Variants in HIRA observed in about 807,000 individuals in gnomAD.
HIRA encodes the protein histone cell cycle regulator, also known as protein HIRA.
Under a neutral mutation model 126.6 loss-of-function variants are expected in HIRA, and 13 were observed. That is an observed-to-expected ratio of 0.10 (90% CI 0.07 to 0.16). The LOEUF (loss-of-function observed/expected upper bound fraction) is 0.16. Ranked by LOEUF, HIRA falls within the 10% of genes least tolerant of loss-of-function variation. The pLI, the probability that HIRA is intolerant of heterozygous loss-of-function variation, is 1.00. For synonymous variants in HIRA, 511 were observed against 520.0 expected (o/e 0.98, Z 0.24); for missense variants, 834 against 1,314.4 (o/e 0.63, Z 5.65).
intron 24 of HIRA, among the ~76,000 whole-genome samples, chr22:19,345,862 T>C (rs1556008726): frequency 6.6e-6 from 1 of 152,132 alleles, no homozygotes; most frequent in East Asian, 1.9e-4. Flanking sequence ...CTTCTCATTT[T>C]CCTCCCATGC....
At chr22:19,347,281 G>A (rs2146180973) in intron 24 of HIRA, among the ~76,000 whole-genome samples, 1 of 152,274 alleles carries the variant, frequency 6.6e-6, no homozygotes, top group Admixed American at 6.5e-5. Flanking sequence ...TGATAACCAA[G>A]GATTTCCACA....
At chr22:19,344,891 G>A (rs960278721) in intron 24 of HIRA, among the ~76,000 whole-genome samples, 1 of 151,934 alleles carries the variant, frequency 6.6e-6, no homozygotes, top group Non-Finnish European at 1.5e-5. Flanking sequence ...AAAATGACAC[G>A]ATCATCTTAA....
At chr22:19,413,852 C>T (rs1010496786) in intron 1 of HIRA, among the ~76,000 whole-genome samples, 5 of 151,954 alleles carry the variant, frequency 3.3e-5, no homozygotes, top group East Asian at 1.9e-4. Flanking sequence ...CCTCATGATC[C>T]GACCACCTCA....
chr22:19,372,209 C>A (rs555117175), intron 15 of HIRA, among the ~76,000 whole-genome samples: 4 of 152,312 alleles, frequency 2.6e-5, no homozygotes, highest in African/African-American at 9.6e-5. Flanking sequence ...TGCCATCTGA[C>A]AATTCTATGA....
At chr22:19,336,459 G>C (rs2088568189) in intron 24 of HIRA, among the ~76,000 whole-genome samples, 1 of 152,210 alleles carries the variant, frequency 6.6e-6, no homozygotes, top group Non-Finnish European at 1.5e-5. Context: ...ATTCATAACA[G>C]AACAACCCTG....
chr22:19,333,440 G>A (rs905489756), intron 24 of HIRA, among the ~76,000 whole-genome samples: 1 of 152,044 alleles, frequency 6.6e-6, no homozygotes, highest in Admixed American at 6.5e-5. Flanking sequence ...AAAAGAAATA[G>A]AAAGGAAAAG....
intron 24 of HIRA, among the ~76,000 whole-genome samples, chr22:19,340,569 G>A (rs1380434029): frequency 6.6e-6 from 1 of 152,146 alleles, no homozygotes; most frequent in Non-Finnish European, 1.5e-5. Context: ...TAAAGGGGAA[G>A]TCAAAATATC....
intron 5 of HIRA, among the ~76,000 whole-genome samples, chr22:19,398,646 G>A (rs2089242857): frequency 6.6e-6 from 1 of 152,170 alleles, no homozygotes. Context: ...TCACTTCTTT[G>A]TGACTCCATT....
chr22:19,333,075 A>ATT (rs1334483034), intron 24 of HIRA, among the ~76,000 whole-genome samples: 51 of 152,020 alleles, frequency 3.4e-4, no homozygotes, highest in African/African-American at 1.2e-3. Flanking sequence ...TGTCTGGCTA[A>ATT]TTTTTATATA....
At chr22:19,383,298 A>ATT (rs2089093620) in intron 13 of HIRA, among the ~76,000 whole-genome samples, 1 of 152,126 alleles carries the variant, frequency 6.6e-6, no homozygotes, top group African/African-American at 2.4e-5. Flanking sequence ...TAACTTTATG[A>ATT]AAGAAAAAAA....
In HIRA at chr22:19,377,896, G is replaced by A. The variant is rs746218770; in HGVS notation, c.1586C>T (p.Pro529Leu). 1 of 1,612,728 alleles carries A rather than the reference G, an allele frequency of 6.2e-7. No homozygotes were observed. Among genetic ancestry groups the A allele is most frequent in the South Asian group, 1.1e-5 (1 of 90,870 alleles). ...GTCTTTATTGACAGAATCGCCTGCA[G>A]GTCTGGCACTGGCAGCCACCACAGG... ...TEPVVAASAR[P>L]AGDSVNKDSM... is the part of the protein sequence containing the mutation. Residue 529 changes from proline to leucine, a missense_variant, in exon 14 of 25, where the codon CCT (proline) becomes CTT (leucine). Transcript: ENST00000263208.
rs2088751513 is a variant in HIRA at position 19,351,040 on chromosome 22, C to T, written c.2937+318G>A. 1.4e-6 allele frequency: 1 copy of T among 739,988 alleles called. No individual in the cohort carries two copies. 45.8% of individuals were successfully genotyped at this position (739,988 alleles called of 1,614,324 possible). A position where few individuals can be genotyped will look rare whatever the true frequency, so the allele number is the denominator to read the frequency against. On this transcript the variant is annotated intron_variant, in intron 24 of 24. Coordinates refer to ENST00000263208, the MANE Select transcript of HIRA (RefSeq NM_003325.4). The surrounding 1 kb of genome is among the most constrained non-coding windows in gnomAD (Gnocchi z 4.8). ...CTCCCTGTTTATGTGTGCATCCCTA[C>T]CAGACCGAGCTCCACGAAGGCAGGG... is the stretch of plus-strand genomic sequence containing the variant.
At chr22:19,341,876 T>C (rs1489660425) in intron 24 of HIRA, among the ~76,000 whole-genome samples, 1 of 152,210 alleles carries the variant, frequency 6.6e-6, no homozygotes, top group African/African-American at 2.4e-5. Flanking sequence ...AAAACTCTTC[T>C]AGACATTGGC....
chr22:19,350,232 G>C (rs999113624), intron 24 of HIRA, among the ~76,000 whole-genome samples: 4 of 152,136 alleles, frequency 2.6e-5, no homozygotes, highest in Non-Finnish European at 5.9e-5. Context: ...TAAGAAAGCA[G>C]ATCCATGAAT....
intron 11 of HIRA, among the ~76,000 whole-genome samples, chr22:19,386,624 C>T (rs1374016064): frequency 6.6e-6 from 1 of 152,232 alleles, no homozygotes; most frequent in Non-Finnish European, 1.5e-5. Flanking sequence ...AGTCTATCCC[C>T]TGGAATCTCG....
chr22:19,404,222 C>T (rs1226203348), intron 5 of HIRA, among the ~76,000 whole-genome samples: 1 of 152,172 alleles, frequency 6.6e-6, no homozygotes, highest in African/African-American at 2.4e-5. Flanking sequence ...TCTGCCTGCA[C>T]CTGCTACCAG....
At chr22:19,350,841 A>G (rs1190007367) in intron 24 of HIRA, among the ~76,000 whole-genome samples, 1 of 151,750 alleles carries the variant, frequency 6.6e-6, no homozygotes, top group Non-Finnish European at 1.5e-5. Context: ...CTACTAGGAA[A>G]CACTTTCTCC....
intron 5 of HIRA, 72 bp from the exon 6 acceptor site, chr22:19,398,159 C>T: frequency 5.3e-6 from 6 of 1,136,944 alleles, no homozygotes; most frequent in Non-Finnish European, 6.6e-6. Flanking sequence ...TTGGCCAGTG[C>T]CCCTGGGACC....
In HIRA at chr22:19,356,848, T is replaced by C. The variant is rs1556012684; in HGVS notation, c.2396+42A>G. On this transcript the variant is annotated intron_variant, in intron 19 of 24. Transcript: ENST00000263208. Reference sequence around the variant, plus strand: ...AGGTGGGGCCTACACAGCCCTGTCCTGCCCTGGCTGAAGCCCACCCCACCC... The same window carrying C: ...AGGTGGGGCCTACACAGCCCTGTCCCGCCCTGGCTGAAGCCCACCCCACCC... 1.9e-6 allele frequency: 3 copies of C among 1,601,582 alleles called. No homozygotes were observed. In the South Asian group the frequency reaches 3.3e-5, roughly 18 times the overall value.
Sources: allele counts gnomAD v4.1 joint callset (sites outside exome capture counted in the v4.1 genomes callset), GRCh38; gene constraint gnomAD v4.1.1; non-coding constraint Gnocchi (gnomAD v3.1); transcripts MANE v1.5; gene names NCBI Gene and HGNC (gene_info 2026-07-23, HGNC 2026-07-21).